EMX1: variants seen among roughly 807,000 people sequenced by gnomAD.
EMX1 encodes empty spiracles homeobox 1.
In EMX1, 10 loss-of-function variants were observed where a neutral mutation model predicts 20.1. That is an observed-to-expected ratio of 0.50 (90% CI 0.31 to 0.84). The LOEUF (loss-of-function observed/expected upper bound fraction) is 0.84, where lower values mean the gene tolerates loss of function less well. EMX1 is among the 40% of genes least tolerant of loss of function. The pLI, the probability that EMX1 is intolerant of heterozygous loss-of-function variation, is 0.05. For synonymous variants in EMX1, 250 were observed against 200.4 expected, an observed-to-expected ratio of 1.25 and a Z score of -2.09; for missense variants, 424 against 431.9, an observed-to-expected ratio of 0.98 and a Z score of 0.16.
intron 1 of EMX1, among the ~76,000 whole-genome samples, chr2:72,920,943 G>A (rs1249969849): frequency 1.3e-5 from 2 of 152,228 alleles, no homozygotes; most frequent in Non-Finnish European, 2.9e-5. Context: ...ATGGGCCGGA[G>A]CTTCTAAGGT....
At position 72,934,259 on chromosome 2, in the gene EMX1, TTTTAA is replaced by T. The variant is rs1173128894; in HGVS notation, c.*310_*314del. 4 of 342,816 alleles carry T rather than the reference TTTTAA, an allele frequency of 1.2e-5. No individual in the cohort carries two copies. The highest frequency in any genetic ancestry group is 8.5e-5 in the African/African-American group (4 of 47,286). 21.2% of individuals were successfully genotyped at this position (342,816 alleles called of 1,614,324 possible). On this transcript the variant is annotated 3_prime_UTR_variant, in exon 3 of 3. Coordinates refer to ENST00000258106, the MANE Select transcript of EMX1 (RefSeq NM_004097.3). The stretch of plus-strand genomic sequence containing the variant: ...TCCCTTTTGTTTTGATGCATTTCTG[TTTTAA>T]TTTATTTTCCAGGCACCACTGTAGT...
At chr2:72,917,103 C>T, upstream of EMX1, 1 of 620,356 alleles carries the variant, frequency 1.6e-6, no homozygotes, top group Non-Finnish European at 3.0e-6. Flanking sequence ...GGGCAGAGAG[C>T]TGGTTTTCGG....
chr2:72,932,180 A>G (rs1261076790), intron 2 of EMX1, among the ~76,000 whole-genome samples: 1 of 152,176 alleles, frequency 6.6e-6, no homozygotes, highest in East Asian at 1.9e-4. Flanking sequence ...GCTACCCACC[A>G]TTCCTCACCC....
rs902744042 is a variant in EMX1 at position 72,933,874 on chromosome 2, G to A, written c.793G>A (p.Gly265Ser). The A allele has an allele frequency of 1.2e-6, 2 of 1,614,114 alleles. No individual in the cohort carries two copies. Among genetic ancestry groups the A allele is most frequent in the Non-Finnish European group, 1.7e-6 (2 of 1,180,036 alleles). Reference sequence around the variant, plus strand: ...GCCTGAGTCCGAGCAGAAGAAGAAGGGCTCCCATCACATCAACCGGTGGCG... The same window carrying A: ...GCCTGAGTCCGAGCAGAAGAAGAAGAGCTCCCATCACATCAACCGGTGGCG... ...EGPESEQKKK[G>S]SHHINRWRIA... is the part of the protein sequence containing the mutation. The change falls in exon 3 of 3, where the codon GGC becomes AGC. Residue 265 changes from glycine to serine, a missense_variant. Coordinates refer to ENST00000258106, the MANE Select transcript of EMX1 (RefSeq NM_004097.3).
Position 72,930,199 on chromosome 2 carries a change from TGG to T in EMX1, c.706-3586_706-3585del, listed in dbSNP as rs1278979686. On this transcript the variant is annotated intron_variant, in intron 2 of 2. Transcript: ENST00000258106. This position sits in a 1 kb window ranked among gnomAD's most constrained non-coding sequence, Gnocchi z 4.4. ...ATGACTATACATGGAACATGTCCTC[TGG>T]GCAGGGCACTGGGACTAACATAACA... Among the ~76,000 whole-genome samples, 7 of 152,224 alleles carry T rather than the reference TGG, an allele frequency of 4.6e-5. No homozygotes were observed. The highest frequency in any genetic ancestry group is 4.6e-4 in the Admixed American group (7 of 15,290).
At position 72,917,769 on chromosome 2, in the gene EMX1, C is replaced by A; in HGVS notation, c.-84C>A. The A allele has an allele frequency of 8.3e-7, 1 of 1,210,516 alleles. No individual in the cohort carries two copies. The highest frequency in any genetic ancestry group is 1.0e-6 in the Non-Finnish European group (1 of 966,100). The allele number at this position is 1,210,516 out of a possible 1,614,324, so 75.0% of individuals were successfully genotyped here. A position where few individuals can be genotyped will look rare whatever the true frequency, so the allele number is the denominator to read the frequency against. ...CCCCGCGGTCGCTCGCTCACACACC[C>A]CTCGCCGCTCCGCGCCTGGCTCGCC... is the stretch of plus-strand genomic sequence containing the variant. On this transcript the variant is annotated 5_prime_UTR_variant, in exon 1 of 3. Transcript: ENST00000258106.
chr2:72,919,986 G>A (rs963049036), intron 1 of EMX1, among the ~76,000 whole-genome samples: 3 of 152,206 alleles, frequency 2.0e-5, no homozygotes, highest in Non-Finnish European at 2.9e-5. Context: ...CCCGCGGGCC[G>A]CCGCGGCCGA....
At chr2:72,926,423 C>T (rs867606988) in intron 2 of EMX1, 15 of 558,336 alleles carry the variant, frequency 2.7e-5, no homozygotes, top group Middle Eastern at 9.1e-4. Context: ...ATCTTCTTCC[C>T]GTCTGTAAAT....
chr2:72,924,106 G>T (rs771850402), intron 1 of EMX1: 6 of 647,526 alleles, frequency 9.3e-6, no homozygotes, highest in Non-Finnish European at 1.7e-5. Context: ...CGAGTGCGGG[G>T]AGGTGTTGCG....
At chr2:72,933,741 G>A (rs779860139) in intron 2 of EMX1, 46 bp from the exon 3 acceptor site, 5 of 1,605,020 alleles carry the variant, frequency 3.1e-6, no homozygotes, top group African/African-American at 1.3e-5. Flanking sequence ...GGCTGCTCTG[G>A]GGGCCTCCTG....
chr2:72,931,313 G>C (rs1258512947), intron 2 of EMX1, among the ~76,000 whole-genome samples: 1 of 152,238 alleles, frequency 6.6e-6, no homozygotes, highest in Non-Finnish European at 1.5e-5. Flanking sequence ...CAATGTGACC[G>C]TCAGTCTCCT....
In EMX1 at chr2:72,924,377, A is replaced by C. The variant is rs1671157678; in HGVS notation, c.589A>C (p.Thr197Pro). 6.3e-7 allele frequency: 1 copy of C among 1,592,980 alleles called. No individual in the cohort carries two copies. The highest frequency in any genetic ancestry group is 1.3e-5 in the African/African-American group (1 of 74,860). The change falls in exon 2 of 3, where the codon ACG (threonine) becomes CCG (proline). Residue 197 changes from threonine to proline, a missense_variant. Around this residue, in one of 2 missense-constraint regions of EMX1, gnomAD observed 91 missense variants for 135.2 expected, o/e 0.67. Transcript: ENST00000258106. ...PFARKPKRIRTAFSPSQLLRL... is the reference protein window; with the variant it reads ...PFARKPKRIRPAFSPSQLLRL... Reference sequence around the variant, plus strand: ...CGCACGCAAGCCCAAGCGGATCCGCACGGCCTTCTCGCCCTCGCAGCTGCT... The same window carrying C: ...CGCACGCAAGCCCAAGCGGATCCGCCCGGCCTTCTCGCCCTCGCAGCTGCT...
intron 1 of EMX1, among the ~76,000 whole-genome samples, chr2:72,920,188 G>A (rs1319871198): frequency 6.6e-6 from 1 of 152,234 alleles, no homozygotes; most frequent in African/African-American, 2.4e-5. Context: ...AGGGCCGGGG[G>A]CGCCTGGAGA....
intron 2 of EMX1, chr2:72,925,378 G>A: frequency 8.1e-7 from 1 of 1,232,628 alleles, no homozygotes; most frequent in Non-Finnish European, 1.0e-6. Context: ...TTCATTGTAA[G>A]TAGACTTTGC....
At chr2:72,926,183 T>G in intron 2 of EMX1, 5 of 985,064 alleles carry the variant, frequency 5.1e-6, no homozygotes, top group Non-Finnish European at 6.0e-6. Flanking sequence ...AATAATGTCA[T>G]TGTTTTTAAA....
upstream of EMX1, chr2:72,917,159 C>T: frequency 1.6e-6 from 1 of 612,206 alleles, no homozygotes; most frequent in South Asian, 2.0e-5. Context: ...CCGCTCGGAT[C>T]CAAGTTCTCT....
Position 72,933,820 on chromosome 2 carries a change from T to TACAA in EMX1, c.742_745dup (p.Arg249GlnfsTer11). 6.2e-7 allele frequency: 1 copy of TACAA among 1,614,104 alleles called. No individual in the cohort carries two copies. On this transcript the variant is annotated frameshift_variant, in exon 3 of 3. Coordinates refer to ENST00000258106, the MANE Select transcript of EMX1 (RefSeq NM_004097.3). LOFTEE classifies it high-confidence loss of function. ...GTGGTTCCAGAACCGGAGGACAAAG[T>TACAA]ACAAACGGCAGAAGCTGGAGGAGGA... is the stretch of plus-strand genomic sequence containing the variant.
intron 2 of EMX1, among the ~76,000 whole-genome samples, chr2:72,931,249 T>C (rs974691052): frequency 6.6e-6 from 1 of 152,232 alleles, no homozygotes; most frequent in Non-Finnish European, 1.5e-5. Context: ...CTTTCCTTCT[T>C]TGAGCCAGTG....
At chr2:72,926,100 A>C in intron 2 of EMX1, 1 of 983,946 alleles carries the variant, frequency 1.0e-6, no homozygotes, top group South Asian at 4.7e-5. Flanking sequence ...ATATTTATTA[A>C]ATTTTAATTG....
Sources: allele counts gnomAD v4.1 joint callset (sites outside exome capture counted in the v4.1 genomes callset), GRCh38; gene constraint gnomAD v4.1.1; regional missense constraint gnomAD v4.1.1; non-coding constraint Gnocchi (gnomAD v3.1); transcripts MANE v1.5; gene names NCBI Gene and HGNC (gene_info 2026-07-23, HGNC 2026-07-21).